FAAH2: variants seen among roughly 807,000 people sequenced by gnomAD.
FAAH2 encodes fatty acid amide hydrolase 2.
FAAH2 carries 60 observed loss-of-function variants against 36.9 expected under a neutral mutation model. The observed-to-expected ratio is 1.63, with a 90% confidence interval of 1.32 to 2.02. The LOEUF (loss-of-function observed/expected upper bound fraction) is 2.02. Ranked by LOEUF, FAAH2 falls within the 30% of genes most tolerant of loss-of-function variation. FAAH2 has a pLI of 0.00. For synonymous variants in FAAH2, 214 were observed against 143.8 expected (o/e 1.49, Z -3.49); for missense variants, 689 against 397.5 (o/e 1.73, Z -6.23).
At chrX:57,366,952 T>A (rs1310870853) in intron 5 of FAAH2, among the ~76,000 whole-genome samples, 1 of 112,045 alleles carries the variant, frequency 8.9e-6, no homozygotes, top group Non-Finnish European at 1.9e-5. Flanking sequence ...CTGCAGTCAT[T>A]TCTACACAAA....
At chrX:57,253,296 G>T in the FAAH2 span, among the ~76,000 whole-genome samples, 1 of 111,107 alleles carries the variant, frequency 9.0e-6, no homozygotes, top group Non-Finnish European at 1.9e-5. Context: ...CGTTTGATTG[G>T]TGTAACTGAA....
chrX:57,147,127 A>T, the FAAH2 span, among the ~76,000 whole-genome samples: 621 of 111,762 alleles, frequency 5.6e-3, 2 homozygotes, highest in Non-Finnish European at 8.6e-3. Flanking sequence ...AATAGTGCCA[A>T]TAGGATTTGT....
chrX:57,294,144 C>T (rs1356108055), intron 2 of FAAH2, among the ~76,000 whole-genome samples: 1 of 111,506 alleles, frequency 9.0e-6, no homozygotes, highest in African/African-American at 3.3e-5. Flanking sequence ...TCCATCAATC[C>T]CTCAGTGTTA....
chrX:57,393,390 G>T, intron 7 of FAAH2: 1 of 737,305 alleles, frequency 1.4e-6, no homozygotes, highest in Non-Finnish European at 2.2e-6. Flanking sequence ...CCGGAATACT[G>T]GGATTTGATG....
chrX:57,294,615 C>G (rs192159553), intron 2 of FAAH2, among the ~76,000 whole-genome samples: 1 of 111,923 alleles, frequency 8.9e-6, no homozygotes, highest in African/African-American at 3.2e-5. Context: ...TCTAATCGTA[C>G]GGAACTACTC....
At chrX:57,278,193 C>A in the FAAH2 span, among the ~76,000 whole-genome samples, 12 of 111,545 alleles carry the variant, frequency 1.1e-4, no homozygotes, top group South Asian at 3.4e-3. Context: ...CTAGAGCATC[C>A]AAAACAGCAT....
chrX:57,313,863 C>G (rs761143678), intron 3 of FAAH2, among the ~76,000 whole-genome samples: 1 of 110,750 alleles, frequency 9.0e-6, no homozygotes, highest in African/African-American at 3.3e-5. Context: ...ATATAACAAA[C>G]AGCTAATAGC....
chrX:57,256,751 A>C, the FAAH2 span, among the ~76,000 whole-genome samples: 1 of 112,418 alleles, frequency 8.9e-6, no homozygotes, highest in East Asian at 2.8e-4. Flanking sequence ...CATCAGAGTG[A>C]ACAGGCAACC....
Position 57,344,900 on chromosome X carries a change from T to C in FAAH2, c.742+3510T>C, listed in dbSNP as rs182192162. Among the ~76,000 whole-genome samples the C allele has an allele frequency of 3.1e-3, 344 of 111,501 alleles. 2 individuals are homozygous for C. The highest frequency in any genetic ancestry group is 9.3e-3 in the Middle Eastern group (2 of 214). On this transcript the variant is annotated intron_variant, in intron 5 of 10. Coordinates refer to ENST00000374900, the MANE Select transcript of FAAH2 (RefSeq NM_174912.4). ...TGGTAAATCACTTTTTTTTATTTGC[T>C]TATGTTGAATTAACATTGCATCCCA...
the FAAH2 span, among the ~76,000 whole-genome samples, chrX:57,204,385 C>G: frequency 1.8e-5 from 2 of 111,599 alleles, no homozygotes; most frequent in Admixed American, 1.9e-4. Flanking sequence ...TTCTCTGTGT[C>G]AGCCATTGTT....
chrX:57,474,121 CAGTG>C (rs1198846823), intron 10 of FAAH2, among the ~76,000 whole-genome samples: 1 of 112,041 alleles, frequency 8.9e-6, no homozygotes, highest in Non-Finnish European at 1.9e-5. Flanking sequence ...CTTTGTCTGA[CAGTG>C]AGTATCTTCC....
At chrX:57,273,472 C>T in the FAAH2 span, among the ~76,000 whole-genome samples, 7 of 111,682 alleles carry the variant, frequency 6.3e-5, no homozygotes, top group African/African-American at 2.3e-4. Context: ...CTCTCAGCAC[C>T]ACATAGCACT....
intron 5 of FAAH2, among the ~76,000 whole-genome samples, chrX:57,358,910 A>T (rs1198604249): frequency 9.0e-6 from 1 of 111,088 alleles, no homozygotes; most frequent in East Asian, 2.8e-4. Context: ...TTGTGGGTAC[A>T]TAGTAGGTGT....
the FAAH2 span, among the ~76,000 whole-genome samples, chrX:57,177,705 G>A: frequency 9.9e-6 from 1 of 101,053 alleles, no homozygotes; most frequent in East Asian, 3.2e-4. Context: ...CTGTGGAGAA[G>A]CCCCACCTGT....
At chrX:57,185,492 G>C in the FAAH2 span, among the ~76,000 whole-genome samples, 28 of 86,863 alleles carry the variant, frequency 3.2e-4, no homozygotes, top group African/African-American at 1.5e-3. Context: ...CTGTCTCTGT[G>C]TGTGTGTGTG....
chrX:57,382,812 C>T (rs756675012), intron 7 of FAAH2, among the ~76,000 whole-genome samples: 1 of 111,466 alleles, frequency 9.0e-6, no homozygotes, highest in Non-Finnish European at 1.9e-5. Flanking sequence ...GGGAATCCTC[C>T]CTAACTCATT....
chrX:57,292,401 A>T lies in FAAH2; in HGVS notation c.193-97A>T, dbSNP rs1222865715. 1.5e-5 allele frequency: 12 copies of T among 780,686 alleles called. No homozygotes were observed. The Admixed American group carries it at 3.3e-4, about 21-fold the overall frequency. The allele number at this position is 780,686 out of a possible 1,213,427, so 64.3% of individuals were successfully genotyped here. ...GTGTAATTCACTGAAAGTGTCTCAA[A>T]AAATGATTAATGTACATAGGAGTCT... On this transcript the variant is annotated intron_variant, in intron 1 of 10. Coordinates refer to ENST00000374900, the MANE Select transcript of FAAH2 (RefSeq NM_174912.4).
At chrX:57,269,712 G>C in the FAAH2 span, among the ~76,000 whole-genome samples, 2 of 111,714 alleles carry the variant, frequency 1.8e-5, no homozygotes, top group African/African-American at 6.5e-5. Context: ...GAATCTCTGA[G>C]ACACAGCTAA....
intron 7 of FAAH2, among the ~76,000 whole-genome samples, chrX:57,409,099 G>T (rs2055636694): frequency 9.0e-6 from 1 of 111,222 alleles, no homozygotes; most frequent in Non-Finnish European, 1.9e-5. Context: ...TAATACAATG[G>T]TAAGTATGTG....
Sources: gnomAD v4.1 joint callset for allele counts (sites outside exome capture counted in the v4.1 genomes callset) on GRCh38, gnomAD v4.1.1 for gene constraint, MANE v1.5 for transcripts, NCBI Gene and HGNC (gene_info 2026-07-23, HGNC 2026-07-21) for gene names.